Variants in FSIP1 observed in about 807,000 individuals in gnomAD.
FSIP1 encodes the protein fibrous sheath interacting protein 1, also known as fibrous sheath-interacting protein 1.
In FSIP1, 65 loss-of-function variants were observed where a neutral mutation model predicts 60.9. That is an observed-to-expected ratio of 1.07 (90% CI 0.87 to 1.31). The LOEUF is 1.31. Among genes scored for constraint, FSIP1 ranks in the 40% most tolerant of loss-of-function variants. The pLI is 0.00. For missense variants in FSIP1, 675 were observed against 665.5 expected (o/e 1.01, Z -0.16); for synonymous variants, 209 against 221.2 (o/e 0.94, Z 0.49).
intron 8 of FSIP1, among the ~76,000 whole-genome samples, chr15:39,728,109 A>C (rs1473039207): frequency 6.6e-6 from 1 of 152,208 alleles, no homozygotes. Flanking sequence ...AATGAGAATT[A>C]AAAAGCACTG....
intron 10 of FSIP1, among the ~76,000 whole-genome samples, chr15:39,703,610 G>A (rs942126038): frequency 6.6e-6 from 1 of 152,088 alleles, no homozygotes; most frequent in African/African-American, 2.4e-5. Context: ...TCAAACATTA[G>A]GAGAAATATC....
intron 10 of FSIP1, among the ~76,000 whole-genome samples, chr15:39,667,727 G>A (rs1259789070): frequency 6.6e-6 from 1 of 152,194 alleles, no homozygotes; most frequent in Non-Finnish European, 1.5e-5. Flanking sequence ...TTCCCAAAGG[G>A]AGAAATGTTT....
chr15:39,612,895 C>T (rs1460069217), intron 11 of FSIP1, among the ~76,000 whole-genome samples: 4 of 151,452 alleles, frequency 2.6e-5, no homozygotes, highest in African/African-American at 4.9e-5. Flanking sequence ...TATAAACGAC[C>T]AAAAATAAAG....
At chr15:39,779,936 A>G (rs1898192927) in intron 1 of FSIP1, among the ~76,000 whole-genome samples, 2 of 152,226 alleles carry the variant, frequency 1.3e-5, no homozygotes, top group African/African-American at 4.8e-5. Context: ...ATTTAGTTTC[A>G]TTATTTTTAT....
rs1347278152 is a variant in FSIP1 at position 39,735,142 on chromosome 15, T to C, written c.891+2949A>G. 2.0e-5 allele frequency among the ~76,000 whole-genome samples: 3 copies of C among 152,344 alleles called. No individual in the cohort carries two copies. The East Asian group carries it at 5.8e-4, about 29-fold the overall frequency. Reference sequence around the variant, plus strand: ...AGATCCCTTAATTCTTACTGGTATCTAAGCTTTTGTTAATAAAGTAGACAA... The same window carrying C: ...AGATCCCTTAATTCTTACTGGTATCCAAGCTTTTGTTAATAAAGTAGACAA... On this transcript the variant is annotated intron_variant, in intron 8 of 11. Coordinates refer to ENST00000350221, the MANE Select transcript of FSIP1 (RefSeq NM_152597.5).
At chr15:39,611,945 G>C (rs1449623102) in intron 11 of FSIP1, among the ~76,000 whole-genome samples, 1 of 152,110 alleles carries the variant, frequency 6.6e-6, no homozygotes, top group African/African-American at 2.4e-5. Context: ...TAATGATAAA[G>C]GGATCATTTC....
chr15:39,678,575 T>C (rs1352423118), intron 10 of FSIP1, among the ~76,000 whole-genome samples: 1 of 152,214 alleles, frequency 6.6e-6, no homozygotes, highest in Non-Finnish European at 1.5e-5. Context: ...AAAAATATTC[T>C]AAAATATTTT....
chr15:39,775,943 C>T (rs575107863), intron 2 of FSIP1, among the ~76,000 whole-genome samples: 3 of 151,568 alleles, frequency 2.0e-5, no homozygotes, highest in South Asian at 2.1e-4. Flanking sequence ...CTTTACCAAA[C>T]GGTTTTTTTA....
At chr15:39,739,609 A>AT in intron 7 of FSIP1, 56 bp downstream of exon 7, 3 of 1,513,822 alleles carry the variant, frequency 2.0e-6, no homozygotes, top group African/African-American at 2.8e-5. Context: ...AACTATTGCC[A>AT]TTTTTTTCAA....
At chr15:39,730,577 T>C (rs1448106090) in intron 8 of FSIP1, among the ~76,000 whole-genome samples, 1 of 152,184 alleles carries the variant, frequency 6.6e-6, no homozygotes, top group African/African-American at 2.4e-5. Context: ...ACAAAAACTT[T>C]TATATTTTTA....
intron 9 of FSIP1, among the ~76,000 whole-genome samples, chr15:39,718,640 G>A (rs1460076807): frequency 6.6e-6 from 1 of 151,858 alleles, no homozygotes; most frequent in East Asian, 1.9e-4. Flanking sequence ...GGGACTACAG[G>A]TGCACACCAC....
intron 10 of FSIP1, among the ~76,000 whole-genome samples, chr15:39,625,079 A>G (rs1021100162): frequency 2.0e-5 from 3 of 152,174 alleles, no homozygotes; most frequent in Non-Finnish European, 4.4e-5. Context: ...GTCACCGTGC[A>G]GAATCAGACC....
chr15:39,619,153 G>A (rs1298314403), intron 10 of FSIP1, among the ~76,000 whole-genome samples: 1 of 152,066 alleles, frequency 6.6e-6, no homozygotes, highest in Non-Finnish European at 1.5e-5. Flanking sequence ...AAGGTACATA[G>A]TAAAAAATAA....
chr15:39,690,176 G>A (rs923067546), intron 10 of FSIP1, among the ~76,000 whole-genome samples: 2 of 152,234 alleles, frequency 1.3e-5, no homozygotes, highest in African/African-American at 2.4e-5. Flanking sequence ...GAGCTATGGC[G>A]AGAGATGAGA....
intron 10 of FSIP1, among the ~76,000 whole-genome samples, chr15:39,669,537 T>C (rs1893635744): frequency 6.6e-6 from 1 of 152,218 alleles, no homozygotes; most frequent in Non-Finnish European, 1.5e-5. Context: ...TTGAAGTTGT[T>C]CTATTAATTA....
At chr15:39,716,454 A>C (rs968449982) in intron 9 of FSIP1, among the ~76,000 whole-genome samples, 17 of 152,338 alleles carry the variant, frequency 1.1e-4, no homozygotes, top group Middle Eastern at 3.4e-3. Flanking sequence ...TAACACACAA[A>C]TCTGACAGAG....
Position 39,617,887 on chromosome 15 carries a change from C to T in FSIP1, c.1547G>A (p.Ser516Asn), listed in dbSNP as rs760941846. Reference protein sequence around the residue: ...CLQFSKDVIISDTKDYFMSKT... With the variant: ...CLQFSKDVIINDTKDYFMSKT... ...CGACATAAAATAGTCTTTTGTGTCA[C>T]TAATAATAACGTCCTTGGAAAATTG... The change falls in exon 11 of 12, where the codon AGT becomes AAT. Residue 516 changes from serine (S) to asparagine (N), a missense_variant. By Grantham distance (46) the Ser-to-Asn change is conservative. Transcript: ENST00000350221. 47 of 1,613,990 alleles carry T rather than the reference C, an allele frequency of 2.9e-5. No individual in the cohort carries two copies. The highest frequency in any genetic ancestry group is 3.7e-5 in the Non-Finnish European group (44 of 1,180,016).
intron 10 of FSIP1, among the ~76,000 whole-genome samples, chr15:39,620,807 T>C (rs1027884768): frequency 2.4e-4 from 36 of 150,346 alleles, no homozygotes; most frequent in Non-Finnish European, 4.7e-4. Context: ...GGTTTTACCA[T>C]GTTGGTCAGG....
At chr15:39,665,697 T>G (rs565704704) in intron 10 of FSIP1, among the ~76,000 whole-genome samples, 3 of 152,154 alleles carry the variant, frequency 2.0e-5, no homozygotes, top group African/African-American at 4.8e-5. Flanking sequence ...ATGGAAGTAG[T>G]TGATAATTTT....
Sources: gnomAD v4.1 joint callset for allele counts (sites outside exome capture counted in the v4.1 genomes callset) on GRCh38, gnomAD v4.1.1 for gene constraint, MANE v1.5 for transcripts, NCBI Gene and HGNC (gene_info 2026-07-23, HGNC 2026-07-21) for gene names.